Variants in CYFIP2 observed in about 807,000 individuals in gnomAD.
CYFIP2 encodes the protein cytoplasmic FMR1-interacting protein 2.
In CYFIP2, 29 loss-of-function variants were observed where a neutral mutation model predicts 158.7. That is an observed-to-expected ratio of 0.18 (90% CI 0.14 to 0.25). The LOEUF (loss-of-function observed/expected upper bound fraction) is 0.25, where lower values mean the gene tolerates loss of function less well. Among genes scored for constraint, CYFIP2 ranks in the 10% least tolerant of loss-of-function variants. The probability of loss-of-function intolerance (pLI) is 1.00; values close to 1 mark genes in which losing one functional copy is unlikely to be tolerated. For synonymous variants in CYFIP2, 585 were observed against 617.6 expected, an observed-to-expected ratio of 0.95 and a Z score of 0.78; for missense variants, 852 against 1,639.5, an observed-to-expected ratio of 0.52 and a Z score of 8.29.
rs138960728 is a variant in CYFIP2 at position 157,326,098 on chromosome 5, C to T, written c.1983-73C>T. Reference sequence around the variant, plus strand: ...CTGACTGTGAACTTGTTTCTATTTCCCAAGCAAGTATAAAGCTGTCTTCCT... The same window carrying T: ...CTGACTGTGAACTTGTTTCTATTTCTCAAGCAAGTATAAAGCTGTCTTCCT... On this transcript the variant is annotated intron_variant, in intron 17 of 30. Transcript: ENST00000620254. 1.7e-3 allele frequency: 1,939 copies of T among 1,137,236 alleles called. 9 individuals carry two copies. The highest frequency in any genetic ancestry group is 2.4e-3 in the Non-Finnish European group (1,800 of 757,370). 70.4% of individuals were successfully genotyped at this position (1,137,236 alleles called of 1,614,324 possible).
chr5:157,300,164 A>G (rs73302185), intron 5 of CYFIP2, among the ~76,000 whole-genome samples: 2,971 of 152,270 alleles, frequency 0.02, 104 homozygotes, highest in African/African-American at 0.069. Context: ...AATAAGACGT[A>G]ATGCTCAGCC....
chr5:157,356,941 G>A (rs934660131), intron 23 of CYFIP2, among the ~76,000 whole-genome samples: 2 of 152,158 alleles, frequency 1.3e-5, no homozygotes, highest in African/African-American at 2.4e-5. Context: ...CAGCTTCAGT[G>A]AACATCATAC....
intron 23 of CYFIP2, among the ~76,000 whole-genome samples, chr5:157,350,417 G>A (rs896789303): frequency 6.6e-6 from 1 of 152,116 alleles, no homozygotes; most frequent in African/African-American, 2.4e-5. Context: ...TGTTTGCTTT[G>A]TCAAAGATCA....
chr5:157,341,206 G>A (rs1342790762), intron 23 of CYFIP2, 49 bp downstream of exon 23: 1 of 1,549,702 alleles, frequency 6.5e-7, no homozygotes, highest in Admixed American at 1.7e-5. Context: ...GTGAGAAAAA[G>A]CAAATAGAAA....
At chr5:157,293,046 GTA>G (rs1414200175) in intron 3 of CYFIP2, among the ~76,000 whole-genome samples, 1 of 151,752 alleles carries the variant, frequency 6.6e-6, no homozygotes, top group African/African-American at 2.4e-5. Context: ...ATGTATGTAT[GTA>G]TGTATGTATG....
At chr5:157,380,657 A>G (rs1037757034) in intron 26 of CYFIP2, among the ~76,000 whole-genome samples, 12 of 152,252 alleles carry the variant, frequency 7.9e-5, no homozygotes, top group African/African-American at 2.9e-4. Context: ...AAAAATCCTC[A>G]ACAAAATGTT....
intron 4 of CYFIP2, 43 bp from the exon 5 acceptor site, chr5:157,296,630 C>T (rs778600046): frequency 1.0e-5 from 16 of 1,556,576 alleles, no homozygotes; most frequent in Middle Eastern, 3.4e-4. Flanking sequence ...AATAAGACAA[C>T]AGGTGTAAAC....
chr5:157,339,329 C>A, intron 22 of CYFIP2, 73 bp downstream of exon 22: 1 of 1,371,642 alleles, frequency 7.3e-7, no homozygotes, highest in Middle Eastern at 2.5e-4. Flanking sequence ...CCAAACTAGG[C>A]CCAGTACATG....
intron 1 of CYFIP2, among the ~76,000 whole-genome samples, chr5:157,274,959 A>G (rs530310785): frequency 1.3e-5 from 2 of 152,066 alleles, no homozygotes; most frequent in Admixed American, 1.3e-4. Context: ...ATTTTTTTGT[A>G]GAAACAGGGT....
In CYFIP2 at chr5:157,393,093, G is replaced by A. The variant is rs1486936107; in HGVS notation, c.*93G>A. On this transcript the variant is annotated 3_prime_UTR_variant, in exon 31 of 31. Coordinates refer to ENST00000620254, the MANE Select transcript of CYFIP2 (RefSeq NM_001037333.3). ...CTGCCATAGGATCCAACTGGACAAC[G>A]TGTGGGATGGACCTGGAAACAAGCA... is the stretch of plus-strand genomic sequence containing the variant. 12 of 1,456,152 alleles carry A rather than the reference G, an allele frequency of 8.2e-6. No homozygotes were observed. Among genetic ancestry groups the A allele is most frequent in the Non-Finnish European group, 1.1e-5 (12 of 1,078,184 alleles). The allele number at this position is 1,456,152 out of a possible 1,614,324, so 90.2% of individuals were successfully genotyped here.
chr5:157,290,567 T>C (rs1757738184), intron 3 of CYFIP2, among the ~76,000 whole-genome samples: 1 of 152,078 alleles, frequency 6.6e-6, no homozygotes, highest in Non-Finnish European at 1.5e-5. Flanking sequence ...ATTGCCTCTT[T>C]CCATGTGAAG....
intron 26 of CYFIP2, among the ~76,000 whole-genome samples, chr5:157,367,869 C>T (rs1444715097): frequency 1.3e-5 from 2 of 151,754 alleles, no homozygotes; most frequent in Non-Finnish European, 2.9e-5. Context: ...ATTCTCCTGC[C>T]TCAGCCTCCT....
At chr5:157,297,820 G>A (rs190872249) in intron 5 of CYFIP2, among the ~76,000 whole-genome samples, 71 of 152,206 alleles carry the variant, frequency 4.7e-4, no homozygotes, top group Admixed American at 4.4e-3. Context: ...CAAAGCATGA[G>A]GTAGGTTGAA....
chr5:157,386,947 A>G (rs1483643498), intron 28 of CYFIP2, among the ~76,000 whole-genome samples: 3 of 143,344 alleles, frequency 2.1e-5, no homozygotes, highest in African/African-American at 7.7e-5. Context: ...AAAAAAAAAA[A>G]GGATGGTGTC....
intron 8 of CYFIP2, chr5:157,304,881 T>A (rs1480556697): frequency 1.3e-5 from 2 of 152,584 alleles, no homozygotes; most frequent in Non-Finnish European, 2.9e-5. Context: ...GTGTATGCTG[T>A]ACTCAAAGTG....
intron 13 of CYFIP2, among the ~76,000 whole-genome samples, chr5:157,317,099 G>A (rs149542179): frequency 4.1e-4 from 63 of 152,128 alleles, no homozygotes; most frequent in African/African-American, 1.3e-3. Flanking sequence ...AAAGGGATGC[G>A]TATGCACTGT....
At chr5:157,277,686 G>A (rs1756672995) in intron 1 of CYFIP2, among the ~76,000 whole-genome samples, 1 of 152,190 alleles carries the variant, frequency 6.6e-6, no homozygotes, top group African/African-American at 2.4e-5. Context: ...ATTGCTGGTG[G>A]CTTCCTGGAG....
intron 5 of CYFIP2, among the ~76,000 whole-genome samples, chr5:157,297,609 A>AT (rs1459475127): frequency 6.6e-6 from 1 of 152,200 alleles, no homozygotes; most frequent in Non-Finnish European, 1.5e-5. Flanking sequence ...GAGAAGAACT[A>AT]TCCAGAAACT....
At chr5:157,321,615 T>G (rs923405105) in intron 15 of CYFIP2, among the ~76,000 whole-genome samples, 2 of 152,240 alleles carry the variant, frequency 1.3e-5, no homozygotes, top group Non-Finnish European at 2.9e-5. Flanking sequence ...ATTGCAAGTT[T>G]AAGGGTCTCA....
Sources: gnomAD v4.1 joint callset for allele counts (sites outside exome capture counted in the v4.1 genomes callset) on GRCh38, gnomAD v4.1.1 for gene constraint, MANE v1.5 for transcripts, NCBI Gene and HGNC (gene_info 2026-07-23, HGNC 2026-07-21) for gene names.